Variants in IMPG1 observed in about 807,000 individuals in gnomAD.
IMPG1 encodes the protein interphotoreceptor matrix proteoglycan 1, also known as interphotoreceptor matrix proteoglycan of 150 kDa.
IMPG1 carries 85 observed loss-of-function variants against 92.0 expected under a neutral mutation model. The observed-to-expected ratio is 0.92, with a 90% CI of 0.78 to 1.11. IMPG1 has a LOEUF of 1.11. Among genes scored for constraint, IMPG1 ranks in the 50% least tolerant of loss-of-function variants. The pLI, the probability that IMPG1 is intolerant of heterozygous loss-of-function variation, is 0.00. For missense variants in IMPG1, 1,022 were observed against 956.0 expected (o/e 1.07, Z -0.91); for synonymous variants, 367 against 334.1 (o/e 1.10, Z -1.08).
intron 12 of IMPG1, among the ~76,000 whole-genome samples, chr6:75,970,582 G>C (rs1782395487): frequency 6.6e-6 from 1 of 152,128 alleles, no homozygotes; most frequent in African/African-American, 2.4e-5. Context: ...CTTATATGAG[G>C]AAAGTGTGAG....
At chr6:75,946,120 G>C (rs1781923753) in intron 14 of IMPG1, among the ~76,000 whole-genome samples, 1 of 152,224 alleles carries the variant, frequency 6.6e-6, no homozygotes, top group Non-Finnish European at 1.5e-5. Flanking sequence ...CCGGGGAAGA[G>C]GCAGTGTCTT....
intron 1 of IMPG1, among the ~76,000 whole-genome samples, chr6:76,048,058 T>C (rs1471803497): frequency 6.6e-6 from 1 of 152,156 alleles, no homozygotes; most frequent in East Asian, 1.9e-4. Flanking sequence ...TATGTGGAGA[T>C]CAATGAGGAA....
At chr6:76,048,996 T>C (rs1345466840) in intron 1 of IMPG1, among the ~76,000 whole-genome samples, 2 of 152,194 alleles carry the variant, frequency 1.3e-5, no homozygotes, top group African/African-American at 2.4e-5. Flanking sequence ...GGTACTTATA[T>C]ACCATGGACT....
rs117301430 is a variant in IMPG1 at position 75,942,601 on chromosome 6, C to A, written c.2044+4713G>T. 3.9e-5 allele frequency among the ~76,000 whole-genome samples: 6 copies of A among 152,278 alleles called. No individual in the cohort carries two copies. In the East Asian group the frequency reaches 9.7e-4, roughly 25 times the overall value. On this transcript the variant is annotated intron_variant, in intron 14 of 16. Transcript: ENST00000369950. Reference sequence around the variant, plus strand: ...ACTCCGGATCCAGGGTCCTGAGAGACAGCACGATCTGCTGGTTGCACTGGT... The same window carrying A: ...ACTCCGGATCCAGGGTCCTGAGAGAAAGCACGATCTGCTGGTTGCACTGGT...
Position 75,922,159 on chromosome 6 carries a change from C to G in IMPG1, c.2324G>C (p.Ser775Thr). Residue 775 changes from serine to threonine, a missense_variant, in exon 17 of 17, where the codon AGT (serine) becomes ACT (threonine). This residue lies in a region of IMPG1 where 332 missense variants were observed against 346.2 expected (regional missense o/e 0.96). Transcript: ENST00000369950. ...GGTCAGTAATTCAGAATTTCTTTTACTGATTACCTGAAAGAGAAATAGTTT... is the reference window on the plus strand; with the variant it reads ...GGTCAGTAATTCAGAATTTCTTTTAGTGATTACCTGAAAGAGAAATAGTTT... ...FQNQQNNKVISKRNSELLTVE... is the reference protein window; with the variant it reads ...FQNQQNNKVITKRNSELLTVE... The G allele has an allele frequency of 7.7e-7, 1 of 1,303,994 alleles. No individual in the cohort carries two copies. The allele number at this position is 1,303,994 out of a possible 1,614,324, so 80.8% of individuals were successfully genotyped here.
intron 9 of IMPG1, 101 bp downstream of exon 9, chr6:76,007,379 T>C (rs1208586554): frequency 1.2e-6 from 1 of 827,516 alleles, no homozygotes; most frequent in East Asian, 2.6e-5. Context: ...GTAATGGGCT[T>C]ATCCAAGACA....
intron 1 of IMPG1, among the ~76,000 whole-genome samples, chr6:76,044,347 C>A (rs2127594976): frequency 6.6e-6 from 1 of 152,298 alleles, no homozygotes; most frequent in Non-Finnish European, 1.5e-5. Flanking sequence ...AAAGCTGCCT[C>A]ATTGGGTACT....
At chr6:76,049,594 A>G (rs952641654) in intron 1 of IMPG1, among the ~76,000 whole-genome samples, 1 of 152,250 alleles carries the variant, frequency 6.6e-6, no homozygotes, top group Non-Finnish European at 1.5e-5. Flanking sequence ...AACACACAAT[A>G]TACAGAAAGT....
chr6:76,006,527 T>C (rs1783102924), intron 9 of IMPG1, among the ~76,000 whole-genome samples: 1 of 150,154 alleles, frequency 6.7e-6, no homozygotes. Context: ...TGGGTATATA[T>C]ACGTGTGTGT....
intron 12 of IMPG1, among the ~76,000 whole-genome samples, chr6:75,993,891 A>G (rs1307237435): frequency 6.6e-6 from 1 of 152,168 alleles, no homozygotes; most frequent in Non-Finnish European, 1.5e-5. Flanking sequence ...GTTTGTCCTA[A>G]CTGTTTCAGT....
intron 12 of IMPG1, among the ~76,000 whole-genome samples, chr6:75,967,956 C>G (rs2149464305): frequency 6.6e-6 from 1 of 152,248 alleles, no homozygotes; most frequent in African/African-American, 2.4e-5. Context: ...TATATTCCAG[C>G]CAACCAAAAG....
At chr6:75,932,121 C>T (rs1371246517) in intron 14 of IMPG1, among the ~76,000 whole-genome samples, 1 of 152,212 alleles carries the variant, frequency 6.6e-6, no homozygotes, top group Non-Finnish European at 1.5e-5. Flanking sequence ...GAACAGGCAA[C>T]AGTAAAGCCA....
At chr6:76,025,976 C>T (rs778768663) in intron 4 of IMPG1, among the ~76,000 whole-genome samples, 2 of 152,252 alleles carry the variant, frequency 1.3e-5, no homozygotes, top group South Asian at 4.1e-4. Flanking sequence ...CCCCCAAAAA[C>T]TCCAACTGGC....
intron 1 of IMPG1, among the ~76,000 whole-genome samples, chr6:76,051,621 A>G (rs1272928021): frequency 2.6e-5 from 4 of 152,214 alleles, no homozygotes; most frequent in Non-Finnish European, 4.4e-5. Flanking sequence ...AGACTTTCAC[A>G]ATCAGCATGC....
intron 4 of IMPG1, among the ~76,000 whole-genome samples, chr6:76,029,768 C>A (rs1010840319): frequency 2.0e-5 from 3 of 152,094 alleles, no homozygotes; most frequent in Admixed American, 6.6e-5. Flanking sequence ...GGGAACTAAC[C>A]AAAGCCAAGC....
Position 76,017,195 on chromosome 6 carries a change from C to CAA in IMPG1, c.807+1521_807+1522dup, listed in dbSNP as rs61629486. Among the ~76,000 whole-genome samples the CAA allele has an allele frequency of 8.6e-3, 1,016 of 117,862 alleles. 16 individuals carry two copies. Among genetic ancestry groups the CAA allele is most frequent in the African/African-American group, 0.029 (953 of 32,460 alleles). 77.3% of individuals were successfully genotyped at this position (117,862 alleles called of 152,430 possible). A position where few individuals can be genotyped will look rare whatever the true frequency, so the allele number is the denominator to read the frequency against. ...TAAGGAACTGGTATATGGTGAGGCTCAAAAAAAAAAAAAAAGGCAGAGATC... is the reference window on the plus strand; with the variant it reads ...TAAGGAACTGGTATATGGTGAGGCTCAAAAAAAAAAAAAAAAAGGCAGAGATC... On this transcript the variant is annotated intron_variant, in intron 7 of 16. Transcript: ENST00000369950.
intron 1 of IMPG1, among the ~76,000 whole-genome samples, chr6:76,042,435 C>T (rs551851480): frequency 6.6e-6 from 1 of 152,076 alleles, no homozygotes; most frequent in Non-Finnish European, 1.5e-5. Context: ...ACTTAGCACT[C>T]AAGCCTCTCA....
intron 1 of IMPG1, among the ~76,000 whole-genome samples, chr6:76,058,210 G>A (rs918948752): frequency 1.3e-5 from 2 of 152,130 alleles, no homozygotes; most frequent in African/African-American, 4.8e-5. Flanking sequence ...TAGGTAGATA[G>A]AAATAACATT....
intron 14 of IMPG1, among the ~76,000 whole-genome samples, chr6:75,938,288 T>TA (rs1428834429): frequency 1.3e-5 from 2 of 152,234 alleles, no homozygotes; most frequent in Non-Finnish European, 2.9e-5. Context: ...TGATATTAAC[T>TA]AAAAATCCCA....
Sources: gnomAD v4.1 joint callset for allele counts (sites outside exome capture counted in the v4.1 genomes callset) on GRCh38, gnomAD v4.1.1 for gene constraint, gnomAD v4.1.1 regional missense constraint, MANE v1.5 for transcripts, NCBI Gene and HGNC (gene_info 2026-07-23, HGNC 2026-07-21) for gene names.